Variants in MTPAP observed in about 807,000 individuals in gnomAD.
MTPAP encodes the protein poly(A) RNA polymerase, mitochondrial.
Under a neutral mutation model 48.7 loss-of-function variants are expected in MTPAP, and 23 were observed. The ratio of observed to expected loss-of-function variants is 0.47; its 90% CI spans 0.34 to 0.67. The LOEUF (loss-of-function observed/expected upper bound fraction) is 0.67. Ranked by LOEUF, MTPAP falls within the 30% of genes least tolerant of loss-of-function variation. The pLI is 0.01. For missense variants in MTPAP, 614 were observed against 694.3 expected, an observed-to-expected ratio of 0.88 and a Z score of 1.30; for synonymous variants, 257 against 254.1, an observed-to-expected ratio of 1.01 and a Z score of -0.11.
Position 30,313,524 on chromosome 10 carries a change from G to C in MTPAP, c.*85C>G. The C allele has an allele frequency of 6.5e-7, 1 of 1,546,072 alleles. No individual in the cohort carries two copies. Among genetic ancestry groups the C allele is most frequent in the East Asian group, 2.2e-5 (1 of 44,588 alleles). On this transcript the variant is annotated 3_prime_UTR_variant, in exon 9 of 9. Coordinates refer to ENST00000263063, the MANE Select transcript of MTPAP (RefSeq NM_018109.4). ...TGACATCAGATGAAAGCTGAGATCTGTGAAAGTTTCAAATCAGTTTTTCCA... is the reference window on the plus strand; with the variant it reads ...TGACATCAGATGAAAGCTGAGATCTCTGAAAGTTTCAAATCAGTTTTTCCA...
Position 30,338,378 on chromosome 10 carries a change from A to G in MTPAP, c.556-1351T>C, listed in dbSNP as rs1834756152. On this transcript the variant is annotated intron_variant, in intron 3 of 8. Transcript: ENST00000263063. ...TGAACTGAACTAAGCATTCAACTCA[A>G]AAATAATAAAAGAGGCCGGGCTCGG... Among the ~76,000 whole-genome samples, 3 of 152,222 alleles carry G rather than the reference A, an allele frequency of 2.0e-5. No individual in the cohort carries two copies. In the South Asian group the frequency reaches 6.2e-4, roughly 32 times the overall value.
intron 5 of MTPAP, among the ~76,000 whole-genome samples, chr10:30,324,879 G>A (rs1048196317): frequency 6.6e-6 from 1 of 152,020 alleles, no homozygotes; most frequent in Non-Finnish European, 1.5e-5. Flanking sequence ...GTCCCAGCTC[G>A]GAAGGCTGAG....
rs371191024 is a variant in MTPAP at position 30,340,233 on chromosome 10, G to T, written c.548C>A (p.Ala183Glu). ...NKQLFELLCYAESIDDQLNTL... is the reference protein window; with the variant it reads ...NKQLFELLCYEESIDDQLNTL... Reference sequence around the variant, plus strand: ...GTACACCTAAAAACTTACACTTTCTGCATAACAAAGTAATTCAAAAAGCTG... The same window carrying T: ...GTACACCTAAAAACTTACACTTTCTTCATAACAAAGTAATTCAAAAAGCTG... Residue 183 changes from alanine to glutamate, a missense_variant, in exon 3 of 9, where the codon GCA becomes GAA. Physicochemically the swap from Ala to Glu is moderately radical, Grantham distance 107. This residue lies in a region of MTPAP where 114 missense variants were observed against 107.9 expected (regional missense o/e 1.06). Coordinates refer to ENST00000263063, the MANE Select transcript of MTPAP (RefSeq NM_018109.4). The T allele has an allele frequency of 6.2e-7, 1 of 1,612,032 alleles. No homozygotes were observed. The highest frequency in any genetic ancestry group is 1.3e-5 in the African/African-American group (1 of 74,992).
At chr10:30,317,636 A>G (rs1840677284) in intron 6 of MTPAP, among the ~76,000 whole-genome samples, 2 of 152,202 alleles carry the variant, frequency 1.3e-5, no homozygotes, top group African/African-American at 4.8e-5. Flanking sequence ...AAAGCATTTC[A>G]TAATTCCAAA....
At chr10:30,318,236 GTTTT>G (rs919638881) in intron 6 of MTPAP, among the ~76,000 whole-genome samples, 4 of 151,910 alleles carry the variant, frequency 2.6e-5, no homozygotes, top group African/African-American at 9.7e-5. Context: ...CATTTTTTGT[GTTTT>G]TTGTCATTTT....
At chr10:30,329,242 C>CA (rs1397348719) in intron 4 of MTPAP, among the ~76,000 whole-genome samples, 21 of 138,736 alleles carry the variant, frequency 1.5e-4, no homozygotes, top group South Asian at 4.5e-4. Flanking sequence ...AGTGAGAATC[C>CA]AAAAAAAAAA....
intron 4 of MTPAP, among the ~76,000 whole-genome samples, chr10:30,332,275 C>G (rs903346951): frequency 6.6e-6 from 1 of 152,170 alleles, no homozygotes; most frequent in Non-Finnish European, 1.5e-5. Context: ...TAAACTGACA[C>G]AGGAAATGCC....
At chr10:30,334,863 A>G (rs1486388118) in intron 4 of MTPAP, among the ~76,000 whole-genome samples, 1 of 152,224 alleles carries the variant, frequency 6.6e-6, no homozygotes, top group Non-Finnish European at 1.5e-5. Context: ...TCAAGGCATG[A>G]CACAAGGAAT....
intron 5 of MTPAP, 70 bp downstream of exon 5, chr10:30,326,352 TTC>T: frequency 7.2e-7 from 1 of 1,380,770 alleles, no homozygotes. Context: ...AAGCCACTGT[TTC>T]TGTGTGAGAA....
intron 4 of MTPAP, among the ~76,000 whole-genome samples, chr10:30,332,039 T>C (rs140313230): frequency 2.6e-5 from 4 of 152,282 alleles, no homozygotes; most frequent in Admixed American, 6.5e-5. Context: ...CAAGGTGTAG[T>C]GTGAAAAGAT....
chr10:30,326,420 A>G lies in MTPAP; in HGVS notation c.992+4T>C. ...TTTAAAATAATAAATGTAAGCGGTC[A>G]TACCTATTGTTCGTAGTCAAATCAC... is the stretch of plus-strand genomic sequence containing the variant. On this transcript the variant is annotated splice_donor_region_variant and intron_variant, in intron 5 of 8. Transcript: ENST00000263063. The G allele has an allele frequency of 6.2e-7, 1 of 1,611,192 alleles. No individual in the cohort carries two copies. Among genetic ancestry groups the G allele is most frequent in the Non-Finnish European group, 8.5e-7 (1 of 1,177,314 alleles).
At chr10:30,325,986 G>C (rs542717281) in intron 5 of MTPAP, among the ~76,000 whole-genome samples, 1 of 152,012 alleles carries the variant, frequency 6.6e-6, no homozygotes, top group African/African-American at 2.4e-5. Flanking sequence ...TATATCTGGA[G>C]GCAATTCAAA....
chr10:30,318,234 G>C (rs1448730962), intron 6 of MTPAP, among the ~76,000 whole-genome samples: 1 of 151,928 alleles, frequency 6.6e-6, no homozygotes, highest in Non-Finnish European at 1.5e-5. Flanking sequence ...CCCATTTTTT[G>C]TGTTTTTTGT....
At chr10:30,348,859 G>C (rs1834900671) in intron 1 of MTPAP, 2 of 533,320 alleles carry the variant, frequency 3.8e-6, no homozygotes, top group South Asian at 2.4e-5. Flanking sequence ...TTCCTGACCT[G>C]AATTTCATGG....
intron 3 of MTPAP, 179 bp downstream of exon 3, chr10:30,340,047 C>G: frequency 2.6e-5 from 16 of 610,926 alleles, no homozygotes; most frequent in Admixed American, 2.9e-5. Flanking sequence ...TAGAAAAAAA[C>G]TTTCCTTCAT....
At chr10:30,317,730 C>A (rs776305953) in intron 6 of MTPAP, among the ~76,000 whole-genome samples, 1 of 152,144 alleles carries the variant, frequency 6.6e-6, no homozygotes. Flanking sequence ...CACTCCTCTG[C>A]CCCAGTCAGG....
rs1341995138 is a variant in MTPAP, at chr10:30,312,691, G to A, written c.*918C>T. ...GGCTCCACAGGACTGAAGGAGTTCA[G>A]TGTGTGCAGATCTGGGTGTACGTGG... On this transcript the variant is annotated 3_prime_UTR_variant, in exon 9 of 9. Coordinates refer to ENST00000263063, the MANE Select transcript of MTPAP (RefSeq NM_018109.4). 4 of 152,134 alleles carry A rather than the reference G, an allele frequency of 2.6e-5. No individual in the cohort carries two copies. In the East Asian group the frequency reaches 7.7e-4, roughly 29 times the overall value. 9.4% of individuals were successfully genotyped at this position (152,134 alleles called of 1,614,324 possible). A position where few individuals can be genotyped will look rare whatever the true frequency, so the allele number is the denominator to read the frequency against.
Position 30,341,600 on chromosome 10 carries a change from C to T in MTPAP, c.198G>A (p.Met66Ile). The T allele has an allele frequency of 6.2e-7, 1 of 1,614,132 alleles. No individual in the cohort carries two copies. The highest frequency in any genetic ancestry group is 8.5e-7 in the Non-Finnish European group (1 of 1,180,014). ...DKIPKRRFSE[M>I]QNERREQAQR... is the part of the protein sequence containing the mutation. ...GTGCCTGTTCTCGTCTTTCATTTTG[C>T]ATCTCAGAGAATCTCCTTTTGGGAA... The change falls in exon 2 of 9, where the codon ATG becomes ATA. Residue 66 changes from methionine (M) to isoleucine (I), a missense_variant. Physicochemically the swap from Met to Ile is conservative, Grantham distance 10. This residue lies in a region of MTPAP where 125 missense variants were observed against 111.5 expected (regional missense o/e 1.12). Coordinates refer to ENST00000263063, the MANE Select transcript of MTPAP (RefSeq NM_018109.4).
intron 1 of MTPAP, 44 bp from the exon 2 acceptor site, chr10:30,341,684 A>C (rs959583355): frequency 1.2e-6 from 2 of 1,603,644 alleles, no homozygotes; most frequent in African/African-American, 1.3e-5. Flanking sequence ...CACACACACA[A>C]AATTTTAAAA....
Sources: gnomAD v4.1 joint callset for allele counts (sites outside exome capture counted in the v4.1 genomes callset) on GRCh38, gnomAD v4.1.1 for gene constraint, gnomAD v4.1.1 regional missense constraint, MANE v1.5 for transcripts, NCBI Gene and HGNC (gene_info 2026-07-23, HGNC 2026-07-21) for gene names.